SRSF4: variants seen among roughly 807,000 people sequenced by gnomAD.
The protein encoded by SRSF4 is serine and arginine rich splicing factor 4, also known as serine/arginine-rich splicing factor 4.
A neutral mutation model predicts 48.8 loss-of-function variants in SRSF4; 12 were observed. That is an observed-to-expected ratio of 0.25 (90% CI 0.16 to 0.40). The LOEUF is 0.40. Ranked by LOEUF, SRSF4 falls within the 10% of genes least tolerant of loss-of-function variation. SRSF4 has a pLI of 1.00. For missense variants in SRSF4, 466 were observed against 667.1 expected (o/e 0.70, Z 3.32); for synonymous variants, 248 against 232.5 (o/e 1.07, Z -0.61).
At chr1:29,164,219 C>G (rs1283992082) in intron 1 of SRSF4, among the ~76,000 whole-genome samples, 1 of 152,206 alleles carries the variant, frequency 6.6e-6, no homozygotes, top group Non-Finnish European at 1.5e-5. Context: ...CAGACACCAA[C>G]AGATGAAAAG....
chr1:29,152,774 C>G (rs371195302), intron 4 of SRSF4, among the ~76,000 whole-genome samples: 1 of 151,962 alleles, frequency 6.6e-6, no homozygotes, highest in South Asian at 2.1e-4. Context: ...CAAAAATTAG[C>G]CAGGCATGGT....
chr1:29,174,938 T>C (rs1672814067), intron 1 of SRSF4, among the ~76,000 whole-genome samples: 3 of 150,782 alleles, frequency 2.0e-5, no homozygotes, highest in African/African-American at 7.3e-5. Flanking sequence ...TCCCAAAGTG[T>C]TGGGATTATA....
At chr1:29,154,617 G>A (rs1672469749) in intron 4 of SRSF4, 79 bp downstream of exon 4, 1 of 1,396,442 alleles carries the variant, frequency 7.2e-7, no homozygotes, top group Admixed American at 2.2e-5. Context: ...GAACTCAACA[G>A]GAAAATGTAA....
intron 1 of SRSF4, 61 bp downstream of exon 1, chr1:29,181,585 G>A (rs1229741608): frequency 6.5e-6 from 9 of 1,387,746 alleles, no homozygotes; most frequent in Middle Eastern, 1.8e-4. Flanking sequence ...CGTCCCCGCG[G>A]CCTCCCCACC....
chr1:29,150,627 C>T (rs571832402), intron 4 of SRSF4, among the ~76,000 whole-genome samples: 1 of 152,250 alleles, frequency 6.6e-6, no homozygotes, highest in South Asian at 2.1e-4. Flanking sequence ...GGTTCTAGGT[C>T]CACAGATGAA....
intron 1 of SRSF4, among the ~76,000 whole-genome samples, chr1:29,165,642 G>C (rs1672659679): frequency 6.6e-6 from 1 of 152,204 alleles, no homozygotes; most frequent in African/African-American, 2.4e-5. Flanking sequence ...GGGAGACTAA[G>C]TCCTGTCTGC....
chr1:29,152,544 C>A (rs1672426820), intron 4 of SRSF4, among the ~76,000 whole-genome samples: 1 of 152,128 alleles, frequency 6.6e-6, no homozygotes. Flanking sequence ...CCTCCCGTTA[C>A]CTCTCTATAT....
At chr1:29,170,777 G>C (rs1672735207) in intron 1 of SRSF4, 1 of 151,890 alleles carries the variant, frequency 6.6e-6, no homozygotes, top group Admixed American at 6.6e-5. Context: ...CTTCATTCCT[G>C]AAGGCTGAAT....
intron 4 of SRSF4, among the ~76,000 whole-genome samples, chr1:29,151,270 G>A (rs1672404211): frequency 6.6e-6 from 1 of 152,182 alleles, no homozygotes; most frequent in African/African-American, 2.4e-5. Flanking sequence ...AGGAAGTTCA[G>A]GGGATAAGAT....
chr1:29,179,060 G>C (rs1672913978), intron 1 of SRSF4, among the ~76,000 whole-genome samples: 1 of 152,104 alleles, frequency 6.6e-6, no homozygotes. Context: ...AAACCACCCA[G>C]GTATTTAGGG....
At chr1:29,149,409 G>A (rs1379502663) in intron 5 of SRSF4, among the ~76,000 whole-genome samples, 183 bp from the exon 6 acceptor site, 4 of 152,164 alleles carry the variant, frequency 2.6e-5, no homozygotes, top group South Asian at 2.1e-4. Context: ...GGCCAGGTGC[G>A]GCGGCTCATG....
intron 3 of SRSF4, among the ~76,000 whole-genome samples, chr1:29,156,708 T>C (rs1672505377): frequency 6.6e-6 from 1 of 152,126 alleles, no homozygotes; most frequent in Admixed American, 6.5e-5. Context: ...TACAGACATG[T>C]AGAACCAACT....
In SRSF4 at chr1:29,150,085, A is replaced by C. The variant is rs535278160; in HGVS notation, c.668+18T>G. On this transcript the variant is annotated intron_variant, in intron 5 of 5. Transcript: ENST00000373795. The stretch of plus-strand genomic sequence containing the variant: ...CATTCCCTGCTGACCACCTCTACTT[A>C]TAACATGGAAGACATACCTGGACCG... The C allele has an allele frequency of 6.3e-7, 1 of 1,599,196 alleles. No individual in the cohort carries two copies.
intron 1 of SRSF4, 108 bp from the exon 2 acceptor site, chr1:29,160,625 T>C: frequency 7.5e-7 from 1 of 1,327,106 alleles, no homozygotes; most frequent in South Asian, 1.6e-5. Flanking sequence ...TAGGTGGATT[T>C]TGCAAACTAA....
At chr1:29,168,126 T>G (rs929666181) in intron 1 of SRSF4, among the ~76,000 whole-genome samples, 1 of 151,872 alleles carries the variant, frequency 6.6e-6, no homozygotes, top group African/African-American at 2.4e-5. Context: ...GCAATTCTTG[T>G]ACCTCAGCCT....
rs1032652404 is a variant in SRSF4 at position 29,181,865 on chromosome 1, G to A, written c.-113C>T. The A allele has an allele frequency of 1.9e-5, 16 of 841,766 alleles. No homozygotes were observed. Among genetic ancestry groups the A allele is most frequent in the Non-Finnish European group, 2.5e-5 (15 of 607,896 alleles). 52.1% of individuals were successfully genotyped at this position (841,766 alleles called of 1,614,324 possible). A position where few individuals can be genotyped will look rare whatever the true frequency, so the allele number is the denominator to read the frequency against. ...GCGGCAACGGGCGGGCGGCGGGACG[G>A]ACGCAGCCGAACCCCGGCGACGTAC... On this transcript the variant is annotated 5_prime_UTR_variant, in exon 1 of 6. Transcript: ENST00000373795.
chr1:29,181,615 G>A lies in SRSF4; in HGVS notation c.107+31C>T, dbSNP rs921923260. The A allele has an allele frequency of 5.2e-6, 8 of 1,553,176 alleles. No homozygotes were observed. In the African/African-American group the frequency reaches 5.7e-5, roughly 11 times the overall value. On this transcript the variant is annotated intron_variant, in intron 1 of 5. Transcript: ENST00000373795. The stretch of plus-strand genomic sequence containing the variant: ...CCCACCACCTATGGGGTCTGTCCCC[G>A]CCCGGCCGGACCCTCTTTCGCCCTC...
chr1:29,176,767 G>A (rs187953489), intron 1 of SRSF4, among the ~76,000 whole-genome samples: 8 of 152,172 alleles, frequency 5.3e-5, no homozygotes, highest in East Asian at 3.9e-4. Flanking sequence ...AAACAAGGGC[G>A]AAAACAAAAA....
intron 1 of SRSF4, among the ~76,000 whole-genome samples, chr1:29,180,525 T>C (rs535164775): frequency 5.9e-5 from 9 of 152,228 alleles, no homozygotes; most frequent in African/African-American, 1.9e-4. Context: ...TAGGTAACTT[T>C]CAAAATGTTT....
Sources: allele counts gnomAD v4.1 joint callset (sites outside exome capture counted in the v4.1 genomes callset), GRCh38; gene constraint gnomAD v4.1.1; transcripts MANE v1.5; gene names NCBI Gene and HGNC (gene_info 2026-07-23, HGNC 2026-07-21).